Variants in AP1AR observed in about 807,000 individuals in gnomAD.
The protein encoded by AP1AR is adaptor related protein complex 1 associated regulatory protein.
A neutral mutation model predicts 46.3 loss-of-function variants in AP1AR; 29 were observed. The ratio of observed to expected loss-of-function variants is 0.63; its 90% CI spans 0.47 to 0.85. The LOEUF is 0.85. Ranked by LOEUF, AP1AR falls within the 40% of genes least tolerant of loss-of-function variation. The pLI is 0.00. For missense variants in AP1AR, 357 were observed against 356.3 expected (o/e 1.00, Z -0.02); for synonymous variants, 122 against 122.9 (o/e 0.99, Z 0.05).
At chr4:112,232,499 C>A (rs988517559) in intron 1 of AP1AR, among the ~76,000 whole-genome samples, 1 of 152,228 alleles carries the variant, frequency 6.6e-6, no homozygotes, top group Non-Finnish European at 1.5e-5. Flanking sequence ...ACCGGCTCCA[C>A]GGCAACCTGG....
intron 1 of AP1AR, among the ~76,000 whole-genome samples, chr4:112,236,050 A>G (rs1319454056): frequency 6.6e-6 from 1 of 151,754 alleles, no homozygotes; most frequent in Admixed American, 6.6e-5. Context: ...ACCCATTCCT[A>G]TGATTTCAAC....
intron 1 of AP1AR, 42 bp from the exon 2 acceptor site, chr4:112,253,166 A>G (rs780059656): frequency 1.3e-6 from 2 of 1,484,840 alleles, no homozygotes; most frequent in Non-Finnish European, 1.9e-6. Context: ...TCAATCTTAG[A>G]GTTAATTGTG....
At chr4:112,253,991 A>G (rs1726077048) in intron 2 of AP1AR, among the ~76,000 whole-genome samples, 1 of 152,246 alleles carries the variant, frequency 6.6e-6, no homozygotes, top group African/African-American at 2.4e-5. Flanking sequence ...TAACTTTAAC[A>G]GTTTTATTCT....
intron 1 of AP1AR, among the ~76,000 whole-genome samples, chr4:112,239,561 C>T (rs552695110): frequency 6.6e-6 from 1 of 152,342 alleles, no homozygotes; most frequent in African/African-American, 2.4e-5. Flanking sequence ...TCCCCATCAT[C>T]CCATGTTTCC....
chr4:112,272,814 T>G lies in AP1AR; in HGVS notation c.*4405T>G, dbSNP rs1727009884. Among the ~76,000 whole-genome samples the G allele has an allele frequency of 6.6e-6, 1 of 152,146 alleles. No homozygotes were observed. The highest frequency in any genetic ancestry group is 1.5e-5 in the Non-Finnish European group (1 of 68,024). ...ACTGGTAACACTAGAACTTTTGAAA[T>G]GATATATTTTGGAATTATGCCCGCT... is the stretch of plus-strand genomic sequence containing the variant. On this transcript the variant is annotated 3_prime_UTR_variant, in exon 10 of 10. Transcript: ENST00000274000.
At chr4:112,253,370 T>C (rs1726045365) in intron 2 of AP1AR, 114 bp downstream of exon 2, 1 of 730,350 alleles carries the variant, frequency 1.4e-6, no homozygotes, top group Non-Finnish European at 2.3e-6. Flanking sequence ...TGTTTATATT[T>C]CAATATTATT....
chr4:112,254,860 T>C, intron 3 of AP1AR, 87 bp downstream of exon 3: 1 of 678,372 alleles, frequency 1.5e-6, no homozygotes. Flanking sequence ...TTACAATTTT[T>C]ATTATTTTTG....
chr4:112,232,096 G>A lies in AP1AR; in HGVS notation c.5G>A (p.Gly2Glu). ...GCGGCGCCTGGGCGGCATGCGATGG[G>A]GAACTGCTGCTGGACGCAGTGCTTC... is the stretch of plus-strand genomic sequence containing the variant. Reference protein sequence around the residue: MGNCCWTQCFGL... With the variant: MENCCWTQCFGL... The change falls in exon 1 of 10, where the codon GGG becomes GAG. Residue 2 changes from glycine (G) to glutamate (E), a missense_variant. By Grantham distance (98) the Gly-to-Glu change is moderately conservative. Transcript: ENST00000274000. 7.4e-7 allele frequency: 1 copy of A among 1,346,228 alleles called. No homozygotes were observed. The allele number at this position is 1,346,228 out of a possible 1,614,324, so 83.4% of individuals were successfully genotyped here.
intron 7 of AP1AR, among the ~76,000 whole-genome samples, chr4:112,265,499 C>T (rs1224114164): frequency 6.6e-6 from 1 of 151,876 alleles, no homozygotes; most frequent in Non-Finnish European, 1.5e-5. Context: ...TAAAGTTGGA[C>T]TTATGGCTAA....
intron 1 of AP1AR, among the ~76,000 whole-genome samples, chr4:112,249,919 A>G (rs1725884013): frequency 6.6e-6 from 1 of 152,198 alleles, no homozygotes; most frequent in Non-Finnish European, 1.5e-5. Flanking sequence ...CATCTGATGC[A>G]TTTATCTATG....
chr4:112,238,755 A>G (rs559842668), intron 1 of AP1AR, among the ~76,000 whole-genome samples: 51 of 152,278 alleles, frequency 3.3e-4, no homozygotes, highest in African/African-American at 1.2e-3. Context: ...TTATATGCTA[A>G]TAAGTTCAGT....
chr4:112,239,840 A>G (rs1337720728), intron 1 of AP1AR, among the ~76,000 whole-genome samples: 1 of 152,242 alleles, frequency 6.6e-6, no homozygotes, highest in Non-Finnish European at 1.5e-5. Context: ...TCATGTGGTC[A>G]GAGACTTTGT....
At chr4:112,252,931 C>T (rs984450584) in intron 1 of AP1AR, among the ~76,000 whole-genome samples, 2 of 152,008 alleles carry the variant, frequency 1.3e-5, no homozygotes, top group Non-Finnish European at 2.9e-5. Context: ...ATGTATTCTA[C>T]TCAATGTAGT....
chr4:112,265,877 GTTTCTGTAGAAGAAC>G (rs1726684658), intron 8 of AP1AR, 70 bp downstream of exon 8: 1 of 984,586 alleles, frequency 1.0e-6, no homozygotes, highest in Admixed American at 2.8e-5. Context: ...TTCTGGCTCT[GTTTCTGTAGAAGAAC>G]TTTCTGTTCT....
At chr4:112,251,872 G>A (rs1725976344) in intron 1 of AP1AR, among the ~76,000 whole-genome samples, 1 of 152,194 alleles carries the variant, frequency 6.6e-6, no homozygotes, top group South Asian at 2.1e-4. Flanking sequence ...GCATCTATCA[G>A]CAGATAAAGA....
At chr4:112,233,178 A>G (rs1725093263) in intron 1 of AP1AR, among the ~76,000 whole-genome samples, 1 of 152,252 alleles carries the variant, frequency 6.6e-6, no homozygotes, top group South Asian at 2.1e-4. Flanking sequence ...TAAGATGTTC[A>G]ACATAAATAA....
At position 112,231,821 on chromosome 4, in the gene AP1AR, C is replaced by G. The variant is rs552696995; in HGVS notation, c.-271C>G. 273 of 350,656 alleles carry G rather than the reference C, an allele frequency of 7.8e-4. 2 individuals carry two copies. The Middle Eastern group carries it at 0.012, about 15-fold the overall frequency. 21.7% of individuals were successfully genotyped at this position (350,656 alleles called of 1,614,324 possible). On this transcript the variant is annotated 5_prime_UTR_variant, in exon 1 of 10. Coordinates refer to ENST00000274000, the MANE Select transcript of AP1AR (RefSeq NM_018569.6). ...GGGCTAGGAGCTGAGGCGAGAAGGG[C>G]CATGCGGACGGCGAGGGAGTCCAGA...
At position 112,263,089 on chromosome 4, in the gene AP1AR, G is replaced by C; in HGVS notation, c.381+3G>C. On this transcript the variant is annotated splice_donor_region_variant and intron_variant, in intron 6 of 9. Coordinates refer to ENST00000274000, the MANE Select transcript of AP1AR (RefSeq NM_018569.6). The stretch of plus-strand genomic sequence containing the variant: ...CAAAGCAGCGAAAGCTCTTGGAGGT[G>C]AGGGGAAAAGACCCCAGCATATATT... 6.2e-7 allele frequency: 1 copy of C among 1,610,784 alleles called. No individual in the cohort carries two copies.
intron 7 of AP1AR, 53 bp downstream of exon 7, chr4:112,265,120 G>A (rs748063101): frequency 2.6e-5 from 37 of 1,406,854 alleles, no homozygotes; most frequent in East Asian, 7.0e-5. Flanking sequence ...ATTTTATTGC[G>A]GTGTAGAGCA....
Sources: gnomAD v4.1 joint callset for allele counts (sites outside exome capture counted in the v4.1 genomes callset) on GRCh38, gnomAD v4.1.1 for gene constraint, MANE v1.5 for transcripts, NCBI Gene and HGNC (gene_info 2026-07-23, HGNC 2026-07-21) for gene names.